Variants in PRKD1 observed in about 807,000 individuals in gnomAD.
PRKD1 encodes protein kinase D1.
A neutral mutation model predicts 95.9 loss-of-function variants in PRKD1; 63 were observed. The ratio of observed to expected loss-of-function variants is 0.66; its 90% CI spans 0.54 to 0.81. The LOEUF (loss-of-function observed/expected upper bound fraction) is 0.81. Ranked by LOEUF, PRKD1 falls within the 30% of genes least tolerant of loss-of-function variation. The pLI, the probability that PRKD1 is intolerant of heterozygous loss-of-function variation, is 0.00. For missense variants in PRKD1, 1,048 were observed against 1,165.3 expected, an observed-to-expected ratio of 0.90 and a Z score of 1.47; for synonymous variants, 425 against 423.1, an observed-to-expected ratio of 1.00 and a Z score of -0.05.
chr14:29,828,127 C>T (rs1317236678), intron 1 of PRKD1, among the ~76,000 whole-genome samples: 1 of 152,046 alleles, frequency 6.6e-6, no homozygotes, highest in Non-Finnish European at 1.5e-5. Context: ...TAGTGTTTGT[C>T]CATTTGCATC....
chr14:29,636,142 C>A (rs773863205), intron 7 of PRKD1, 148 bp downstream of exon 7: 65 of 940,138 alleles, frequency 6.9e-5, no homozygotes, highest in Non-Finnish European at 9.2e-5. Flanking sequence ...ACTTCAAAGG[C>A]TCTCATTTAC....
intron 1 of PRKD1, among the ~76,000 whole-genome samples, chr14:29,860,058 T>C (rs544688677): frequency 6.6e-6 from 1 of 152,342 alleles, no homozygotes; most frequent in African/African-American, 2.4e-5. Flanking sequence ...TCCTAGAGAC[T>C]TAAGGGCAAA....
chr14:29,822,580 C>T (rs1405709368), intron 1 of PRKD1, among the ~76,000 whole-genome samples: 1 of 152,156 alleles, frequency 6.6e-6, no homozygotes, highest in Non-Finnish European at 1.5e-5. Context: ...AAATCTCATG[C>T]TGAGAAATCC....
At chr14:29,711,533 T>C (rs1321391703) in intron 2 of PRKD1, among the ~76,000 whole-genome samples, 1 of 152,156 alleles carries the variant, frequency 6.6e-6, no homozygotes, top group East Asian at 1.9e-4. Flanking sequence ...ATTCACATAA[T>C]TTTAACTTTG....
At chr14:29,850,048 C>A (rs1892243957) in intron 1 of PRKD1, among the ~76,000 whole-genome samples, 1 of 152,038 alleles carries the variant, frequency 6.6e-6, no homozygotes, top group South Asian at 2.1e-4. Flanking sequence ...AAGAAACATA[C>A]CTCAAAATAG....
chr14:29,819,767 T>C (rs1890837404), intron 1 of PRKD1, among the ~76,000 whole-genome samples: 1 of 152,220 alleles, frequency 6.6e-6, no homozygotes, highest in Non-Finnish European at 1.5e-5. Context: ...TTTAGATGAA[T>C]CTAGGTAAAA....
chr14:29,731,004 G>A (rs1048058169), intron 1 of PRKD1, among the ~76,000 whole-genome samples: 1 of 151,952 alleles, frequency 6.6e-6, no homozygotes. Flanking sequence ...AAAAATTTAA[G>A]TGTACTTACC....
chr14:29,836,415 T>C (rs1891613192), intron 1 of PRKD1, among the ~76,000 whole-genome samples: 1 of 152,138 alleles, frequency 6.6e-6, no homozygotes, highest in African/African-American at 2.4e-5. Flanking sequence ...GGTCAGTGGT[T>C]TGCAGGAGCT....
intron 4 of PRKD1, among the ~76,000 whole-genome samples, chr14:29,647,004 A>G (rs1371479314): frequency 6.6e-6 from 1 of 152,130 alleles, no homozygotes; most frequent in Admixed American, 6.5e-5. Context: ...GCTAACTGTC[A>G]AATATCCTAA....
chr14:29,871,089 T>C (rs899158594), intron 1 of PRKD1, among the ~76,000 whole-genome samples: 4 of 152,196 alleles, frequency 2.6e-5, no homozygotes, highest in Admixed American at 1.3e-4. Flanking sequence ...CCAGGATGTT[T>C]TGCCAAACAT....
rs61506580 is a variant in PRKD1, at chr14:29,663,148, CATATATAT to C, written c.696+543_696+550del. On this transcript the variant is annotated intron_variant, in intron 4 of 17. Coordinates refer to ENST00000331968, the MANE Select transcript of PRKD1 (RefSeq NM_002742.3). ...CTTATGGATATAGTTAATATTCTTCCATATATATATATATATATATATTCTAGAGCTAA... is the reference window on the plus strand; with the variant it reads ...CTTATGGATATAGTTAATATTCTTCCATATATATATATATTCTAGAGCTAA... Among the ~76,000 whole-genome samples the C allele has an allele frequency of 6.9e-3, 906 of 131,636 alleles. 12 individuals are homozygous for C. The highest frequency in any genetic ancestry group is 0.024 in the African/African-American group (847 of 35,376). 86.4% of individuals were successfully genotyped at this position (131,636 alleles called of 152,430 possible).
In PRKD1 at chr14:29,808,373, CTTTTTTTTTTTTTTTTTTTTTTTTT is replaced by C. The variant is rs34250184; in HGVS notation, c.265-82724_265-82700del. 4.8e-3 allele frequency among the ~76,000 whole-genome samples: 96 copies of C among 20,022 alleles called. 1 individual carries two copies. Among genetic ancestry groups the C allele is most frequent in the African/African-American group, 0.011 (74 of 6,520 alleles). 13.1% of individuals were successfully genotyped at this position (20,022 alleles called of 152,430 possible). On this transcript the variant is annotated intron_variant, in intron 1 of 17. Coordinates refer to ENST00000331968, the MANE Select transcript of PRKD1 (RefSeq NM_002742.3). ...AATTCGGTCCTACTTTCAGGCTCTA[CTTTTTTTTTTTTTTTTTTTTTTTTT>C]TTTTTTTTTTTTTTTTTGAGATGGG...
At chr14:29,782,733 TG>T (rs1490205505) in intron 1 of PRKD1, among the ~76,000 whole-genome samples, 8 of 151,946 alleles carry the variant, frequency 5.3e-5, no homozygotes, top group African/African-American at 1.7e-4. Flanking sequence ...TTGGTTGAGA[TG>T]GGGTTTTGCC....
intron 13 of PRKD1, among the ~76,000 whole-genome samples, chr14:29,614,856 ATTTTTTTTTTTTTTT>A (rs55917722): frequency 8.6e-5 from 10 of 115,646 alleles, no homozygotes; most frequent in African/African-American, 3.6e-4. Context: ...TGCCCAGCTA[ATTTTTTTTTTTTTTT>A]TTTTTTTTTT....
chr14:29,868,871 G>A (rs146076650), intron 1 of PRKD1, among the ~76,000 whole-genome samples: 10 of 151,972 alleles, frequency 6.6e-5, no homozygotes, highest in Non-Finnish European at 1.3e-4. Context: ...CAATCGATAC[G>A]GACACAAGTG....
intron 1 of PRKD1, among the ~76,000 whole-genome samples, chr14:29,736,421 C>A (rs1055851478): frequency 4.6e-5 from 7 of 152,152 alleles, no homozygotes; most frequent in African/African-American, 1.7e-4. Context: ...ATTGGGGGAA[C>A]ACACTCAGAG....
At chr14:29,753,687 G>T (rs1887576144) in intron 1 of PRKD1, among the ~76,000 whole-genome samples, 1 of 151,894 alleles carries the variant, frequency 6.6e-6, no homozygotes, top group Admixed American at 6.6e-5. Flanking sequence ...CATTTATTTT[G>T]ATTTACATAA....
chr14:29,803,103 T>G (rs10144903), intron 1 of PRKD1, among the ~76,000 whole-genome samples: 33,025 of 152,058 alleles, frequency 0.22, 3,891 homozygotes, highest in African/African-American at 0.29. Context: ...TAGTATTTGG[T>G]TCATACCTGA....
intron 1 of PRKD1, among the ~76,000 whole-genome samples, chr14:29,738,563 T>C (rs938948050): frequency 1.3e-5 from 2 of 152,226 alleles, no homozygotes; most frequent in African/African-American, 4.8e-5. Flanking sequence ...AAAGTATTAC[T>C]TAAAATCTTT....
Sources: gnomAD v4.1 joint callset for allele counts (sites outside exome capture counted in the v4.1 genomes callset) on GRCh38, gnomAD v4.1.1 for gene constraint, MANE v1.5 for transcripts, NCBI Gene and HGNC (gene_info 2026-07-23, HGNC 2026-07-21) for gene names.